CCDC148: variants seen among roughly 807,000 people sequenced by gnomAD.
The protein encoded by CCDC148 is coiled-coil domain containing 148.
Under a neutral mutation model 85.7 loss-of-function variants are expected in CCDC148, and 89 were observed. That is an observed-to-expected ratio of 1.04 (90% CI 0.87 to 1.24). CCDC148 has a LOEUF of 1.24. Ranked by LOEUF, CCDC148 falls within the 50% of genes most tolerant of loss-of-function variation. The pLI, the probability that CCDC148 is intolerant of heterozygous loss-of-function variation, is 0.00. For missense variants in CCDC148, 692 were observed against 671.7 expected (o/e 1.03, Z -0.33); for synonymous variants, 230 against 213.9 (o/e 1.08, Z -0.66).
chr2:158,305,646 TG>T (rs1402164251), intron 9 of CCDC148, among the ~76,000 whole-genome samples: 5 of 151,470 alleles, frequency 3.3e-5, no homozygotes, highest in Non-Finnish European at 7.4e-5. Flanking sequence ...CTCAGCTATT[TG>T]GAAGATGGAG....
chr2:158,351,252 C>G (rs956766921), intron 2 of CCDC148, among the ~76,000 whole-genome samples: 1 of 152,336 alleles, frequency 6.6e-6, no homozygotes, highest in South Asian at 2.1e-4. Flanking sequence ...CGAATAGGAA[C>G]AGCTCCGGTC....
intron 1 of CCDC148, among the ~76,000 whole-genome samples, chr2:158,415,382 C>T (rs186417171): frequency 2.2e-3 from 330 of 152,192 alleles, no homozygotes; most frequent in African/African-American, 3.4e-3. Context: ...CAATCACCTC[C>T]CACTGGACCC....
intron 7 of CCDC148, among the ~76,000 whole-genome samples, chr2:158,326,558 C>G (rs1165586127): frequency 6.6e-6 from 1 of 152,074 alleles, no homozygotes; most frequent in African/African-American, 2.4e-5. Flanking sequence ...CTCATTTGCT[C>G]CATTTTCCTT....
chr2:158,227,493 T>C (rs1011192797), intron 10 of CCDC148, among the ~76,000 whole-genome samples: 4 of 152,114 alleles, frequency 2.6e-5, no homozygotes, highest in Admixed American at 6.6e-5. Context: ...GAGCCCGCAT[T>C]GCCAAGTCAA....
intron 1 of CCDC148, among the ~76,000 whole-genome samples, chr2:158,436,511 A>T (rs1687657722): frequency 6.6e-6 from 1 of 152,244 alleles, no homozygotes; most frequent in African/African-American, 2.4e-5. Flanking sequence ...CTAAATGCCC[A>T]CAAGAGAAAG....
chr2:158,180,577 T>C (rs909341919), intron 11 of CCDC148, among the ~76,000 whole-genome samples: 2 of 152,048 alleles, frequency 1.3e-5, no homozygotes, highest in African/African-American at 2.4e-5. Context: ...TGGCCCTCAC[T>C]TGCCTTGACC....
chr2:158,453,861 T>C (rs755499857), intron 1 of CCDC148, among the ~76,000 whole-genome samples: 1 of 152,216 alleles, frequency 6.6e-6, no homozygotes, highest in Non-Finnish European at 1.5e-5. Context: ...CCTAATATTC[T>C]AACCTTGCCC....
intron 1 of CCDC148, among the ~76,000 whole-genome samples, chr2:158,378,041 A>G (rs556248485): frequency 6.6e-6 from 1 of 152,240 alleles, no homozygotes; most frequent in Non-Finnish European, 1.5e-5. Flanking sequence ...AAAGCTAAAA[A>G]TGTTTGAGCT....
chr2:158,365,156 A>G (rs1684140485), intron 1 of CCDC148, among the ~76,000 whole-genome samples: 1 of 152,192 alleles, frequency 6.6e-6, no homozygotes, highest in Non-Finnish European at 1.5e-5. Context: ...TCAGGAAACA[A>G]CAGATACTGG....
In CCDC148 at chr2:158,313,846, CA is replaced by C; in HGVS notation, c.812del (p.Leu271TrpfsTer45). ...CAAAGAGATCTCCAGGGTACTGATC[CA>C]AAATAGCCTGGTAAATCCAGTGGTC... The part of the protein sequence containing the change: ...EEDHWIYQAI[L>X]DQYPGDLFGR... On this transcript the variant is annotated frameshift_variant, in exon 8 of 14. Transcript: ENST00000283233. LOFTEE classifies it high-confidence loss of function. 6.2e-7 allele frequency: 1 copy of C among 1,613,666 alleles called. No individual in the cohort carries two copies. The highest frequency in any genetic ancestry group is 8.5e-7 in the Non-Finnish European group (1 of 1,179,816).
chr2:158,365,139 T>C (rs1263828510), intron 1 of CCDC148, among the ~76,000 whole-genome samples: 1 of 152,112 alleles, frequency 6.6e-6, no homozygotes, highest in Non-Finnish European at 1.5e-5. Context: ...TAACAATCAT[T>C]AAAAAGTCAG....
Position 158,238,367 on chromosome 2 carries a change from A to G in CCDC148, c.1251+12405T>C, listed in dbSNP as rs79322945. On this transcript the variant is annotated intron_variant, in intron 10 of 13. Coordinates refer to ENST00000283233, the MANE Select transcript of CCDC148 (RefSeq NM_138803.4). ...AGGTAAGGGGAGGTAAGGGGTACAG[A>G]TTCTGAGAGGTGGGCAGATGTCATA... 1.2e-4 allele frequency among the ~76,000 whole-genome samples: 18 copies of G among 152,174 alleles called. No homozygotes were observed. The East Asian group carries it at 3.5e-3, about 29-fold the overall frequency.
chr2:158,443,184 A>C (rs1025004478), intron 1 of CCDC148, among the ~76,000 whole-genome samples: 3 of 152,132 alleles, frequency 2.0e-5, no homozygotes, highest in Non-Finnish European at 4.4e-5. Flanking sequence ...AACAAACAAA[A>C]AAAAGTCACT....
intron 10 of CCDC148, among the ~76,000 whole-genome samples, chr2:158,231,433 C>T (rs959064121): frequency 1.3e-5 from 2 of 152,124 alleles, no homozygotes; most frequent in African/African-American, 2.4e-5. Flanking sequence ...ACCTGCATTC[C>T]TGGACTTCTT....
intron 10 of CCDC148, among the ~76,000 whole-genome samples, chr2:158,226,442 C>A (rs147670480): frequency 6.6e-6 from 1 of 151,900 alleles, no homozygotes; most frequent in African/African-American, 2.4e-5. Context: ...GGAATCCTCC[C>A]TAACTCATTT....
chr2:158,429,043 A>T (rs1687206469), intron 1 of CCDC148, among the ~76,000 whole-genome samples: 1 of 151,270 alleles, frequency 6.6e-6, no homozygotes, highest in South Asian at 2.1e-4. Flanking sequence ...AGGACGGGAA[A>T]CCAAACACAG....
chr2:158,216,092 T>G (rs1686839254), intron 11 of CCDC148, among the ~76,000 whole-genome samples: 1 of 152,218 alleles, frequency 6.6e-6, no homozygotes, highest in Middle Eastern at 3.2e-3. Context: ...GGTATTATAT[T>G]GTTAAATGTG....
intron 3 of CCDC148, among the ~76,000 whole-genome samples, chr2:158,342,026 C>CTTTTTT (rs1159799812): frequency 4.8e-4 from 30 of 62,658 alleles, no homozygotes; most frequent in African/African-American, 9.3e-4. Flanking sequence ...ATTTTCTTTT[C>CTTTTTT]TTTTTTTTTT....
Position 158,220,618 on chromosome 2 carries a change from T to C in CCDC148, c.1347A>G (p.Glu449=), listed in dbSNP as rs967931121. 3 of 1,605,014 alleles carry C rather than the reference T, an allele frequency of 1.9e-6. No homozygotes were observed. The highest frequency in any genetic ancestry group is 1.3e-5 in the African/African-American group (1 of 74,378). Residue 449 remains glutamate (E), a synonymous_variant, in exon 11 of 14, where the codon GAA becomes GAG. Transcript: ENST00000283233. Reference sequence around the variant, plus strand: ...ACCTTTCTCTGTCTTTTAGTGACTGTTCAGCGATTAATTTCTTCAGTTCTT... The same window carrying C: ...ACCTTTCTCTGTCTTTTAGTGACTGCTCAGCGATTAATTTCTTCAGTTCTT... ...RLEELKKLIA[E]QSLKDRERVK...
Sources: gnomAD v4.1 joint callset for allele counts (sites outside exome capture counted in the v4.1 genomes callset) on GRCh38, gnomAD v4.1.1 for gene constraint, MANE v1.5 for transcripts, NCBI Gene and HGNC (gene_info 2026-07-23, HGNC 2026-07-21) for gene names.